Variants in GPC5 observed in about 807,000 individuals in gnomAD.
The protein encoded by GPC5 is glypican 5, also known as glypican-5.
Under a neutral mutation model 53.9 loss-of-function variants are expected in GPC5, and 47 were observed. That is an observed-to-expected ratio of 0.87 (90% confidence interval 0.69 to 1.11). The LOEUF is 1.11. Ranked by LOEUF, GPC5 falls within the 50% of genes most tolerant of loss-of-function variation. GPC5 has a pLI of 0.00. For synonymous variants in GPC5, 286 were observed against 263.3 expected (o/e 1.09, Z -0.84); for missense variants, 748 against 713.1 (o/e 1.05, Z -0.56).
chr13:91,594,326 G>C (rs1424080727), intron 2 of GPC5, among the ~76,000 whole-genome samples: 1 of 152,152 alleles, frequency 6.6e-6, no homozygotes, highest in Non-Finnish European at 1.5e-5. Context: ...TTTCAGATAT[G>C]ACTGTATGGT....
intron 5 of GPC5, among the ~76,000 whole-genome samples, chr13:91,810,938 C>CA (rs35192534): frequency 0.02 from 2,120 of 105,708 alleles, 32 homozygotes; most frequent in African/African-American, 0.041. Context: ...TTTGTGTAAC[C>CA]AAAAAAAAAA....
intron 6 of GPC5, among the ~76,000 whole-genome samples, chr13:91,990,904 T>A (rs574888053): frequency 8.5e-5 from 13 of 152,354 alleles, no homozygotes; most frequent in African/African-American, 2.6e-4. Context: ...TATTCATGAA[T>A]TAATTAGATC....
chr13:92,005,539 CT>C (rs1050157112), intron 6 of GPC5, among the ~76,000 whole-genome samples: 3 of 152,140 alleles, frequency 2.0e-5, no homozygotes, highest in Non-Finnish European at 4.4e-5. Context: ...TTATCCTCCT[CT>C]TATCCCTAAT....
chr13:91,972,192 G>T (rs1377498423), intron 6 of GPC5, among the ~76,000 whole-genome samples: 2 of 152,146 alleles, frequency 1.3e-5, no homozygotes, highest in Non-Finnish European at 2.9e-5. Context: ...AGCTCTTCTT[G>T]TTGAACTGAT....
At chr13:91,992,584 A>G (rs1436045500) in intron 6 of GPC5, among the ~76,000 whole-genome samples, 1 of 151,806 alleles carries the variant, frequency 6.6e-6, no homozygotes, top group Non-Finnish European at 1.5e-5. Flanking sequence ...CAGCCTGCCA[A>G]GTAGCTTGGA....
At chr13:91,526,506 C>G (rs1022578218) in intron 2 of GPC5, among the ~76,000 whole-genome samples, 3 of 152,228 alleles carry the variant, frequency 2.0e-5, no homozygotes, top group African/African-American at 7.2e-5. Flanking sequence ...TTAGAGAGAA[C>G]TAGATTAGAA....
chr13:91,530,708 T>C (rs1421111963), intron 2 of GPC5, among the ~76,000 whole-genome samples: 1 of 152,238 alleles, frequency 6.6e-6, no homozygotes, highest in Admixed American at 6.5e-5. Flanking sequence ...ACTGTGATTA[T>C]ATTTGTCCCT....
chr13:92,711,880 T>C (rs975828017), intron 7 of GPC5, among the ~76,000 whole-genome samples: 4 of 151,922 alleles, frequency 2.6e-5, no homozygotes, highest in Non-Finnish European at 5.9e-5. Context: ...TTGAACTTAA[T>C]GAAGATACAA....
At chr13:92,582,510 G>A (rs754469981) in intron 7 of GPC5, among the ~76,000 whole-genome samples, 12 of 151,908 alleles carry the variant, frequency 7.9e-5, no homozygotes, top group South Asian at 2.1e-4. Context: ...ATAAATTTTA[G>A]GATTTATTTT....
At chr13:91,425,644 C>A (rs1878990226) in intron 1 of GPC5, among the ~76,000 whole-genome samples, 1 of 152,158 alleles carries the variant, frequency 6.6e-6, no homozygotes, top group South Asian at 2.1e-4. Flanking sequence ...AATTAAACTT[C>A]TTTTCTTTAT....
chr13:92,770,702 C>T (rs997665641), intron 7 of GPC5, among the ~76,000 whole-genome samples: 11 of 152,278 alleles, frequency 7.2e-5, no homozygotes, highest in African/African-American at 2.6e-4. Flanking sequence ...TTAAGTTGGA[C>T]ATCTTCCTCT....
intron 7 of GPC5, among the ~76,000 whole-genome samples, chr13:92,736,990 T>A (rs539443997): frequency 3.5e-4 from 53 of 152,130 alleles, no homozygotes; most frequent in African/African-American, 1.2e-3. Flanking sequence ...AGGTTTTAAA[T>A]ACCTAATACA....
chr13:92,076,064 G>C (rs1475692776), intron 6 of GPC5, among the ~76,000 whole-genome samples: 1 of 139,196 alleles, frequency 7.2e-6, no homozygotes, highest in Non-Finnish European at 1.5e-5. Context: ...GAGAGGGAAA[G>C]TTTCGAAAGT....
At chr13:92,455,508 T>C (rs773059169) in intron 7 of GPC5, among the ~76,000 whole-genome samples, 3 of 152,132 alleles carry the variant, frequency 2.0e-5, no homozygotes, top group African/African-American at 7.2e-5. Context: ...GTAAGCGATA[T>C]CCATGTAACA....
At chr13:92,757,436 C>T (rs1874933830) in intron 7 of GPC5, among the ~76,000 whole-genome samples, 1 of 152,132 alleles carries the variant, frequency 6.6e-6, no homozygotes, top group African/African-American at 2.4e-5. Context: ...GACTTCGTGT[C>T]TAAAACACCA....
chr13:92,302,084 A>C (rs1566528410), intron 7 of GPC5, among the ~76,000 whole-genome samples: 1 of 152,182 alleles, frequency 6.6e-6, no homozygotes, highest in Non-Finnish European at 1.5e-5. Flanking sequence ...GTAGAGAAGT[A>C]GATCTACCAT....
At chr13:92,774,721 C>A (rs72641102) in intron 7 of GPC5, among the ~76,000 whole-genome samples, 1 of 152,194 alleles carries the variant, frequency 6.6e-6, no homozygotes, top group Non-Finnish European at 1.5e-5. Context: ...AAGAACAAGA[C>A]AAAATGAACT....
chr13:91,595,921 T>G (rs2032978604), intron 2 of GPC5, among the ~76,000 whole-genome samples: 1 of 152,228 alleles, frequency 6.6e-6, no homozygotes, highest in Non-Finnish European at 1.5e-5. Context: ...ATCTATCTAC[T>G]ATTCTATCAA....
At chr13:91,905,618 TGGAAGTATATTATCTCA>T (rs1218139615) in intron 5 of GPC5, among the ~76,000 whole-genome samples, 2 of 152,116 alleles carry the variant, frequency 1.3e-5, no homozygotes, top group East Asian at 3.9e-4. Flanking sequence ...AACTGGTCAC[TGGAAGTATATTATCTCA>T]GGAAGAACTG....
Sources: allele counts gnomAD v4.1 joint callset (sites outside exome capture counted in the v4.1 genomes callset), GRCh38; gene constraint gnomAD v4.1.1; transcripts MANE v1.5; gene names NCBI Gene and HGNC (gene_info 2026-07-23, HGNC 2026-07-21).